Variants in FSTL4 observed in about 807,000 individuals in gnomAD.
FSTL4 encodes follistatin like 4.
Under a neutral mutation model 78.2 loss-of-function variants are expected in FSTL4, and 28 were observed. The ratio of observed to expected loss-of-function variants is 0.36; its 90% CI spans 0.27 to 0.49. The LOEUF (loss-of-function observed/expected upper bound fraction) is 0.49. FSTL4 is among the 20% of genes least tolerant of loss of function. The pLI, the probability that FSTL4 is intolerant of heterozygous loss-of-function variation, is 0.98. For synonymous variants in FSTL4, 422 were observed against 440.5 expected (o/e 0.96, Z 0.53); for missense variants, 922 against 1,084.9 (o/e 0.85, Z 2.11).
rs762679724 is a variant in FSTL4 at position 133,199,772 on chromosome 5, C to T, written c.1852G>A (p.Asp618Asn). ...AGGTCCACCTTGTGGACTGCAGGAT[C>T]AGACTTGTTGAAGATGAAGCCAAAC... ...IRFGFIFNKSDPAVHKVDLET... is the reference protein window; with the variant it reads ...IRFGFIFNKSNPAVHKVDLET... The change falls in exon 16 of 16, where the codon GAT becomes AAT. Residue 618 changes from aspartate to asparagine, a missense_variant. By Grantham distance (23) the Asp-to-Asn change is conservative. Transcript: ENST00000265342. This position sits in a 1 kb window ranked among gnomAD's most constrained non-coding sequence, Gnocchi z 4.4. 6.4e-7 allele frequency: 1 copy of T among 1,561,040 alleles called. No homozygotes were observed. The highest frequency in any genetic ancestry group is 8.7e-7 in the Non-Finnish European group (1 of 1,149,762).
intron 3 of FSTL4, among the ~76,000 whole-genome samples, chr5:133,401,545 G>C (rs1756224103): frequency 6.6e-6 from 1 of 152,164 alleles, no homozygotes; most frequent in South Asian, 2.1e-4. Context: ...GGACCAGGCT[G>C]TGTCTTAGGC....
intron 6 of FSTL4, among the ~76,000 whole-genome samples, chr5:133,257,274 G>A (rs535044897): frequency 3.2e-3 from 485 of 152,274 alleles, no homozygotes; most frequent in Non-Finnish European, 4.8e-3. Context: ...GCAGAGGCCT[G>A]AACCTGTCTA....
At chr5:133,268,090 T>C (rs1752684609) in intron 6 of FSTL4, among the ~76,000 whole-genome samples, 1 of 152,238 alleles carries the variant, frequency 6.6e-6, no homozygotes, top group Non-Finnish European at 1.5e-5. Flanking sequence ...AAAATCCAGC[T>C]GGTCACAACT....
intron 8 of FSTL4, among the ~76,000 whole-genome samples, chr5:133,229,587 C>A (rs1751429767): frequency 1.3e-5 from 2 of 151,854 alleles, no homozygotes; most frequent in South Asian, 2.1e-4. Context: ...AAAAAATATC[C>A]AAGAACAGCT....
At chr5:133,363,800 T>C (rs1755120449) in intron 4 of FSTL4, among the ~76,000 whole-genome samples, 1 of 152,078 alleles carries the variant, frequency 6.6e-6, no homozygotes, top group Admixed American at 6.5e-5. Context: ...AAGGGTTGTC[T>C]AAAATGAGGG....
chr5:133,201,822 T>C, intron 15 of FSTL4, 111 bp downstream of exon 15: 1 of 617,366 alleles, frequency 1.6e-6, no homozygotes. Context: ...AAATCCAGCA[T>C]GGGAGTGGAG....
At chr5:133,820,163 C>T in the FSTL4 span, among the ~76,000 whole-genome samples, 1 of 152,232 alleles carries the variant, frequency 6.6e-6, no homozygotes, top group Non-Finnish European at 1.5e-5. Context: ...CCACCCATGC[C>T]TCCTCCCCCA....
intron 4 of FSTL4, among the ~76,000 whole-genome samples, chr5:133,339,037 G>A (rs573749995): frequency 2.0e-5 from 3 of 152,192 alleles, no homozygotes; most frequent in South Asian, 2.1e-4. Flanking sequence ...GCCAGGCAGC[G>A]CCCTCCCTGA....
chr5:133,789,097 C>A, the FSTL4 span, among the ~76,000 whole-genome samples: 1 of 152,206 alleles, frequency 6.6e-6, no homozygotes, highest in Admixed American at 6.5e-5. Flanking sequence ...GAGGTCCCTG[C>A]CCCTCAGTGG....
At chr5:133,551,138 T>C (rs1191533062) in intron 3 of FSTL4, among the ~76,000 whole-genome samples, 2 of 152,188 alleles carry the variant, frequency 1.3e-5, no homozygotes, top group African/African-American at 4.8e-5. Context: ...CAATTGGGAA[T>C]GAACCATCCT....
intron 3 of FSTL4, among the ~76,000 whole-genome samples, chr5:133,474,377 C>T (rs905322731): frequency 1.3e-5 from 2 of 152,182 alleles, no homozygotes; most frequent in African/African-American, 4.8e-5. Flanking sequence ...CACAGCACCC[C>T]CCGGAACACA....
chr5:133,615,272 C>T (rs571049712), upstream of FSTL4, among the ~76,000 whole-genome samples: 5 of 152,222 alleles, frequency 3.3e-5, no homozygotes, highest in Non-Finnish European at 7.3e-5. Flanking sequence ...AGGAAAGAGT[C>T]TTCCTTGTCT....
chr5:133,631,452 C>T, the FSTL4 span, among the ~76,000 whole-genome samples: 1 of 152,084 alleles, frequency 6.6e-6, no homozygotes. Context: ...AATGAGATAC[C>T]ATTTCACGCC....
At chr5:133,251,900 C>T (rs528064932) in intron 6 of FSTL4, among the ~76,000 whole-genome samples, 11 of 152,262 alleles carry the variant, frequency 7.2e-5, no homozygotes, top group South Asian at 2.1e-4. Flanking sequence ...TATCCTGACC[C>T]GCGAGTACAC....
At chr5:133,300,257 C>A (rs979434625) in intron 6 of FSTL4, among the ~76,000 whole-genome samples, 1 of 152,228 alleles carries the variant, frequency 6.6e-6, no homozygotes, top group Non-Finnish European at 1.5e-5. Context: ...CCCACAGGGA[C>A]ACAGTCTGCT....
intron 3 of FSTL4, among the ~76,000 whole-genome samples, chr5:133,515,677 CTTT>C (rs1311340809): frequency 7.1e-6 from 1 of 141,354 alleles, no homozygotes; most frequent in Admixed American, 6.9e-5. Context: ...ATATCACCTG[CTTT>C]TTTTTTTTAA....
the FSTL4 span, among the ~76,000 whole-genome samples, chr5:133,790,123 G>A: frequency 6.6e-6 from 1 of 152,094 alleles, no homozygotes; most frequent in Admixed American, 6.5e-5. Context: ...CCAAGCCACA[G>A]CTCAGAGTCC....
At chr5:133,616,617 G>A (rs1468524648), upstream of FSTL4, among the ~76,000 whole-genome samples, 2 of 152,156 alleles carry the variant, frequency 1.3e-5, no homozygotes, top group South Asian at 4.2e-4. Context: ...GCCCAGGCTG[G>A]TCTTGAACTC....
At chr5:133,805,388 G>A in the FSTL4 span, among the ~76,000 whole-genome samples, 1 of 152,254 alleles carries the variant, frequency 6.6e-6, no homozygotes, top group South Asian at 2.1e-4. Flanking sequence ...GCCCCACAAG[G>A]AAGGTTTGTG....
Sources: allele counts gnomAD v4.1 joint callset (sites outside exome capture counted in the v4.1 genomes callset), GRCh38; gene constraint gnomAD v4.1.1; non-coding constraint Gnocchi (gnomAD v3.1); transcripts MANE v1.5; gene names NCBI Gene and HGNC (gene_info 2026-07-23, HGNC 2026-07-21).